C3orf49: variants seen among roughly 807,000 people sequenced by gnomAD.
C3orf49 encodes the protein putative uncharacterized protein C3orf49.
Under a neutral mutation model 13.3 loss-of-function variants are expected in C3orf49, and 27 were observed. The observed-to-expected ratio is 2.02, with a 90% CI of 1.49 to 2.79. The LOEUF is 2.79. C3orf49 is among the 30% of genes most tolerant of loss of function. The pLI is 0.00. For missense variants in C3orf49, 242 were observed against 134.2 expected, an observed-to-expected ratio of 1.80 and a Z score of -3.97; for synonymous variants, 87 against 47.6, an observed-to-expected ratio of 1.83 and a Z score of -3.40.
At chr3:63,825,856 A>G (rs866087966) in intron 2 of C3orf49, among the ~76,000 whole-genome samples, 1 of 152,234 alleles carries the variant, frequency 6.6e-6, no homozygotes, top group South Asian at 2.1e-4. Flanking sequence ...ACAGGATGCT[A>G]TTGAAAGAAA....
At chr3:63,796,183 A>G in the C3orf49 span, among the ~76,000 whole-genome samples, 6 of 152,108 alleles carry the variant, frequency 3.9e-5, no homozygotes, top group Admixed American at 2.6e-4. Flanking sequence ...GTAAAATGCA[A>G]TAACTTCTCA....
chr3:63,801,966 T>C, the C3orf49 span, among the ~76,000 whole-genome samples: 3 of 152,212 alleles, frequency 2.0e-5, no homozygotes, highest in Non-Finnish European at 4.4e-5. Flanking sequence ...ATTGAATCAA[T>C]GCAAATGCCT....
At chr3:63,839,925 C>T in intron 5 of C3orf49, 1 of 597,780 alleles carries the variant, frequency 1.7e-6, no homozygotes, top group Non-Finnish European at 2.9e-6. Context: ...AAATGGCTAG[C>T]TAAAATGGTA....
chr3:63,795,065 A>G, the C3orf49 span, among the ~76,000 whole-genome samples: 3 of 152,164 alleles, frequency 2.0e-5, no homozygotes, highest in African/African-American at 7.2e-5. Context: ...TTCACAACCA[A>G]TCAGACTGAT....
intron 1 of C3orf49, among the ~76,000 whole-genome samples, chr3:63,820,498 A>G (rs1701378502): frequency 6.6e-6 from 1 of 152,098 alleles, no homozygotes; most frequent in Non-Finnish European, 1.5e-5. Context: ...TGGGGATGAG[A>G]GTGGGGAGGA....
At chr3:63,827,457 C>A in intron 2 of C3orf49, 144 bp from the exon 3 acceptor site, 1 of 559,800 alleles carries the variant, frequency 1.8e-6, no homozygotes, top group Non-Finnish European at 3.2e-6. Flanking sequence ...AAGAGCAAAT[C>A]AATTTTTTAT....
upstream of C3orf49, among the ~76,000 whole-genome samples, chr3:63,815,582 TTC>T (rs1265120196): frequency 6.6e-6 from 1 of 152,144 alleles, no homozygotes; most frequent in Non-Finnish European, 1.5e-5. Flanking sequence ...TCATGTCGTT[TTC>T]TGTCTTTGAA....
intron 6 of C3orf49, among the ~76,000 whole-genome samples, chr3:63,845,364 A>T (rs1480113600): frequency 6.6e-6 from 1 of 152,156 alleles, no homozygotes; most frequent in Non-Finnish European, 1.5e-5. Context: ...CACTCTGGTG[A>T]TATCTCATGC....
chr3:63,834,427 A>G (rs1701586426), intron 5 of C3orf49, among the ~76,000 whole-genome samples: 4 of 152,098 alleles, frequency 2.6e-5, no homozygotes. Context: ...TGGGAGGCCA[A>G]GGCAGGTGGA....
rs1252512789 is a variant in C3orf49, at chr3:63,848,530, A to G, written c.*197A>G. 6.6e-6 allele frequency: 1 copy of G among 152,142 alleles called. No homozygotes were observed. Among genetic ancestry groups the G allele is most frequent in the African/African-American group, 2.4e-5 (1 of 41,422 alleles). 9.4% of individuals were successfully genotyped at this position (152,142 alleles called of 1,614,324 possible). On this transcript the variant is annotated 3_prime_UTR_variant, in exon 7 of 7. Coordinates refer to ENST00000295896, the MANE Select transcript of C3orf49 (RefSeq NM_001355236.2). ...TCTGCCTGTAACTTCTGTCCCCCTA[A>G]AATGCATAAAATCAGCTGTAATTCA...
the C3orf49 span, among the ~76,000 whole-genome samples, chr3:63,788,019 A>G: frequency 3.9e-5 from 6 of 152,196 alleles, no homozygotes; most frequent in African/African-American, 1.4e-4. Context: ...GTCAAACACA[A>G]TGAGAAGAGT....
At chr3:63,807,868 A>G in the C3orf49 span, among the ~76,000 whole-genome samples, 1 of 150,214 alleles carries the variant, frequency 6.7e-6, no homozygotes, top group Non-Finnish European at 1.5e-5. Context: ...AAAAAAAAAA[A>G]AAAAAAAAAA....
intron 2 of C3orf49, 145 bp downstream of exon 2, chr3:63,823,714 G>A: frequency 1.6e-6 from 1 of 607,190 alleles, no homozygotes; most frequent in Non-Finnish European, 2.9e-6. Flanking sequence ...GACCTTCTGA[G>A]TGAGAAGCCA....
chr3:63,791,489 CAA>C, the C3orf49 span, among the ~76,000 whole-genome samples: 2 of 152,174 alleles, frequency 1.3e-5, no homozygotes, highest in Non-Finnish European at 2.9e-5. Context: ...CTGCGGTGAG[CAA>C]ATGAGAAGGC....
intron 5 of C3orf49, among the ~76,000 whole-genome samples, chr3:63,838,752 T>C (rs539684713): frequency 6.6e-6 from 1 of 152,348 alleles, no homozygotes; most frequent in South Asian, 2.1e-4. Flanking sequence ...ATTCAAACAA[T>C]TATTTGAATT....
upstream of C3orf49, among the ~76,000 whole-genome samples, chr3:63,816,860 C>A (rs184818337): frequency 3.6e-4 from 53 of 146,678 alleles, no homozygotes; most frequent in East Asian, 0.01. Flanking sequence ...GCAAGCTCTG[C>A]CTCCCGTGTT....
the C3orf49 span, among the ~76,000 whole-genome samples, chr3:63,812,589 A>AT: frequency 1.6e-3 from 236 of 152,098 alleles, no homozygotes; most frequent in African/African-American, 5.4e-3. Flanking sequence ...ATTTTACTTG[A>AT]TTTTTTTTGT....
intron 5 of C3orf49, chr3:63,834,280 T>A: frequency 2.2e-6 from 3 of 1,373,044 alleles, no homozygotes; most frequent in Non-Finnish European, 3.1e-6. Flanking sequence ...AACATGTTTA[T>A]CCTTTATTAG....
chr3:63,779,784 T>A, the C3orf49 span: 4 of 152,264 alleles, frequency 2.6e-5, no homozygotes, highest in East Asian at 7.7e-4. Flanking sequence ...GGCAATAGCA[T>A]ACGGTAGGAT....
Sources: gnomAD v4.1 joint callset for allele counts (sites outside exome capture counted in the v4.1 genomes callset) on GRCh38, gnomAD v4.1.1 for gene constraint, MANE v1.5 for transcripts, NCBI Gene and HGNC (gene_info 2026-07-23, HGNC 2026-07-21) for gene names.